Variants in FA2H observed in about 807,000 individuals in gnomAD.
The protein encoded by FA2H is fatty acid alpha-hydroxylase.
In FA2H, 22 loss-of-function variants were observed where a neutral mutation model predicts 44.9. The ratio of observed to expected loss-of-function variants is 0.49; its 90% confidence interval spans 0.35 to 0.70. The LOEUF is 0.70. Ranked by LOEUF, FA2H falls within the 30% of genes least tolerant of loss-of-function variation. The probability of loss-of-function intolerance (pLI) is 0.01; values close to 1 mark genes in which losing one functional copy is unlikely to be tolerated. For missense variants in FA2H, 501 were observed against 504.9 expected, an observed-to-expected ratio of 0.99 and a Z score of 0.07; for synonymous variants, 243 against 213.2, an observed-to-expected ratio of 1.14 and a Z score of -1.22.
At chr16:74,745,966 T>G (rs921412491) in intron 1 of FA2H, among the ~76,000 whole-genome samples, 1 of 152,054 alleles carries the variant, frequency 6.6e-6, no homozygotes, top group Non-Finnish European at 1.5e-5. Context: ...CCAACATGCC[T>G]GGCTAATTTT....
At chr16:74,732,708 T>C (rs145338178) in intron 2 of FA2H, among the ~76,000 whole-genome samples, 135 of 152,252 alleles carry the variant, frequency 8.9e-4, no homozygotes, top group South Asian at 5.4e-3. Flanking sequence ...AGTGCTGGGA[T>C]TACAGGTGTG....
At chr16:74,764,928 A>G (rs1454449466) in intron 1 of FA2H, among the ~76,000 whole-genome samples, 3 of 152,088 alleles carry the variant, frequency 2.0e-5, no homozygotes, top group African/African-American at 7.2e-5. Flanking sequence ...CCTGAGAGCA[A>G]TGTGGGTCTT....
At chr16:74,765,556 CATTT>C (rs894161339) in intron 1 of FA2H, among the ~76,000 whole-genome samples, 1 of 152,138 alleles carries the variant, frequency 6.6e-6, no homozygotes, top group African/African-American at 2.4e-5. Flanking sequence ...CTTATTCAAA[CATTT>C]ATTTATTCAT....
chr16:74,759,379 C>T (rs1360670842), intron 1 of FA2H, among the ~76,000 whole-genome samples: 8 of 152,178 alleles, frequency 5.3e-5, no homozygotes, highest in African/African-American at 1.9e-4. Flanking sequence ...AGCAACATGC[C>T]ATCGGCTGAT....
Position 74,713,911 on chromosome 16 carries a change from C to A in FA2H, c.*279G>T. ...TGCGGCTGCTACCTGTGGCCACGGC[C>A]TGAAGCAGTCCTGTGGGCTGAGCTC... is the stretch of plus-strand genomic sequence containing the variant. On this transcript the variant is annotated 3_prime_UTR_variant, in exon 7 of 7. Transcript: ENST00000219368. The A allele has an allele frequency of 2.1e-6, 1 of 468,352 alleles. No individual in the cohort carries two copies. The highest frequency in any genetic ancestry group is 3.9e-6 in the Non-Finnish European group (1 of 256,968). 29.0% of individuals were successfully genotyped at this position (468,352 alleles called of 1,614,324 possible).
At chr16:74,756,422 A>T (rs1962614151) in intron 1 of FA2H, among the ~76,000 whole-genome samples, 1 of 152,092 alleles carries the variant, frequency 6.6e-6, no homozygotes, top group Admixed American at 6.6e-5. Flanking sequence ...GGTTTCTCCA[A>T]AGTGGCTTCT....
chr16:74,774,653 C>A lies in FA2H; in HGVS notation c.103G>T (p.Asp35Tyr), dbSNP rs121918217. Residue 35 changes from aspartate to tyrosine, a missense_variant, in exon 1 of 7, where the codon GAC becomes TAC. Coordinates refer to ENST00000219368, the MANE Select transcript of FA2H (RefSeq NM_024306.5). ...CWVRRGARLY[D>Y]LSSFVRHHPG... ...TGGTGCCGCACGAAGCTGGAGAGGTCGTAGAGGCGGGCCCCGCGGCGGACC... is the reference window on the plus strand; with the variant it reads ...TGGTGCCGCACGAAGCTGGAGAGGTAGTAGAGGCGGGCCCCGCGGCGGACC... 6.9e-7 allele frequency: 1 copy of A among 1,459,306 alleles called. No homozygotes were observed. The highest frequency in any genetic ancestry group is 9.0e-7 in the Non-Finnish European group (1 of 1,109,994). The allele number at this position is 1,459,306 out of a possible 1,614,324, so 90.4% of individuals were successfully genotyped here. A position where few individuals can be genotyped will look rare whatever the true frequency, so the allele number is the denominator to read the frequency against.
chr16:74,715,436 T>C (rs1289654116), intron 6 of FA2H, among the ~76,000 whole-genome samples: 2 of 152,062 alleles, frequency 1.3e-5, no homozygotes, highest in African/African-American at 2.4e-5. Flanking sequence ...AGATTACAGG[T>C]GCATATCACC....
At chr16:74,737,412 T>C (rs1392131097) in intron 2 of FA2H, among the ~76,000 whole-genome samples, 1 of 152,182 alleles carries the variant, frequency 6.6e-6, no homozygotes, top group East Asian at 1.9e-4. Flanking sequence ...GAAACTGTTC[T>C]GGTAAAATTC....
chr16:74,726,847 G>A (rs1025201176), intron 3 of FA2H, among the ~76,000 whole-genome samples: 9 of 152,212 alleles, frequency 5.9e-5, no homozygotes, highest in African/African-American at 1.9e-4. Flanking sequence ...TCTGCCTCCT[G>A]TCTCTGAGAT....
chr16:74,757,046 A>T (rs1181391001), intron 1 of FA2H, among the ~76,000 whole-genome samples: 1 of 152,166 alleles, frequency 6.6e-6, no homozygotes, highest in Non-Finnish European at 1.5e-5. Context: ...CGTTGAAAAA[A>T]AAAACATTAA....
At chr16:74,737,768 G>C (rs536356061) in intron 2 of FA2H, among the ~76,000 whole-genome samples, 4 of 151,780 alleles carry the variant, frequency 2.6e-5, no homozygotes, top group Non-Finnish European at 5.9e-5. Flanking sequence ...CCCAGGCCTG[G>C]GGACCCTCGG....
At chr16:74,744,681 C>A (rs910625589) in intron 1 of FA2H, among the ~76,000 whole-genome samples, 1 of 151,924 alleles carries the variant, frequency 6.6e-6, no homozygotes, top group East Asian at 1.9e-4. Context: ...TGAACTCCCA[C>A]GTTCAAGTGA....
chr16:74,742,748 G>C (rs1397444865), intron 1 of FA2H, among the ~76,000 whole-genome samples: 1 of 152,134 alleles, frequency 6.6e-6, no homozygotes, highest in African/African-American at 2.4e-5. Flanking sequence ...TGAGGGAGGA[G>C]GATCATTTGA....
At chr16:74,774,451 C>CTGGGT (rs1962969789) in intron 1 of FA2H, 35 bp downstream of exon 1, 9 of 1,485,388 alleles carry the variant, frequency 6.1e-6, no homozygotes, top group Non-Finnish European at 8.0e-6. Flanking sequence ...TGACGGAGGC[C>CTGGGT]TGGGTTGGGG....
Position 74,719,012 on chromosome 16 carries a change from G to T in FA2H, c.762C>A (p.Phe254Leu), listed in dbSNP as rs797045569. 6.2e-7 allele frequency: 1 copy of T among 1,613,824 alleles called. No individual in the cohort carries two copies. The highest frequency in any genetic ancestry group is 1.3e-5 in the African/African-American group (1 of 74,946). ...CCTTGTGGTGCTGGCCGTGCATGACGAAGTGCAGCATGATGAGGTAATAGC... is the reference window on the plus strand; with the variant it reads ...CCTTGTGGTGCTGGCCGTGCATGACTAAGTGCAGCATGATGAGGTAATAGC... ...SDSYYLIMLH[F>L]VMHGQHHKAP... The change falls in exon 5 of 7, where the codon TTC (phenylalanine) becomes TTA (leucine). Residue 254 changes from phenylalanine (F) to leucine (L), a missense_variant. By Grantham distance (22) the Phe-to-Leu change is conservative. Transcript: ENST00000219368.
At position 74,716,572 on chromosome 16, in the gene FA2H, A is replaced by C; in HGVS notation, c.814T>G (p.Phe272Val). Residue 272 changes from phenylalanine (F) to valine (V), a missense_variant, in exon 6 of 7, where the codon TTC becomes GTC. Physicochemically the swap from Phe to Val is conservative, Grantham distance 50. Transcript: ENST00000219368. ...KAPFDGSRLV[F>V]PPVPASLVIG... The stretch of plus-strand genomic sequence containing the variant: ...ACCAGGGAGGCTGGCACAGGGGGGA[A>C]GACCAGGCGGGAGCCGTCGAAGGGT... 6.3e-7 allele frequency: 1 copy of C among 1,590,632 alleles called. No homozygotes were observed. The highest frequency in any genetic ancestry group is 8.6e-7 in the Non-Finnish European group (1 of 1,168,890).
chr16:74,771,687 G>A lies in FA2H; in HGVS notation c.270+2799C>T, dbSNP rs955972488. On this transcript the variant is annotated intron_variant, in intron 1 of 6. Coordinates refer to ENST00000219368, the MANE Select transcript of FA2H (RefSeq NM_024306.5). Reference sequence around the variant, plus strand: ...TCTTCTAAACCCTTCAGCATGAGCCGACACCAAACACCAACCTCTCAGATT... The same window carrying A: ...TCTTCTAAACCCTTCAGCATGAGCCAACACCAAACACCAACCTCTCAGATT... 2.0e-5 allele frequency among the ~76,000 whole-genome samples: 3 copies of A among 151,944 alleles called. No homozygotes were observed. The South Asian group carries it at 6.2e-4, about 32-fold the overall frequency.
intron 4 of FA2H, among the ~76,000 whole-genome samples, chr16:74,725,132 C>G (rs909445394): frequency 2.6e-5 from 4 of 152,188 alleles, no homozygotes; most frequent in Admixed American, 2.0e-4. Flanking sequence ...CAGTAACCCT[C>G]GGTGACCGGG....
Sources: gnomAD v4.1 joint callset for allele counts (sites outside exome capture counted in the v4.1 genomes callset) on GRCh38, gnomAD v4.1.1 for gene constraint, MANE v1.5 for transcripts, NCBI Gene and HGNC (gene_info 2026-07-23, HGNC 2026-07-21) for gene names.